The following NTN1 variants were observed in gnomAD, a reference collection of about 807,000 sequenced individuals.
The protein encoded by NTN1 is netrin-1.
In NTN1, 11 loss-of-function variants were observed where a neutral mutation model predicts 54.2. The ratio of observed to expected loss-of-function variants is 0.20; its 90% CI spans 0.13 to 0.34. The LOEUF (loss-of-function observed/expected upper bound fraction) is 0.34, where lower values mean the gene tolerates loss of function less well. NTN1 is among the 10% of genes least tolerant of loss of function. NTN1 has a pLI of 1.00. For missense variants in NTN1, 740 were observed against 893.1 expected, an observed-to-expected ratio of 0.83 and a Z score of 2.18; for synonymous variants, 371 against 382.0, an observed-to-expected ratio of 0.97 and a Z score of 0.33.
chr17:9,059,393 T>A (rs765529544), intron 2 of NTN1, among the ~76,000 whole-genome samples: 1 of 152,160 alleles, frequency 6.6e-6, no homozygotes, highest in Non-Finnish European at 1.5e-5. Flanking sequence ...TTATTCACAA[T>A]AGCCAAAAGG....
At chr17:9,078,056 C>G (rs1489330385) in intron 2 of NTN1, among the ~76,000 whole-genome samples, 1 of 150,368 alleles carries the variant, frequency 6.7e-6, no homozygotes, top group Non-Finnish European at 1.5e-5. Flanking sequence ...GCCCATCCAT[C>G]TATCCATCCA....
chr17:9,004,239 C>T, the NTN1 span, among the ~76,000 whole-genome samples: 2 of 152,262 alleles, frequency 1.3e-5, no homozygotes. Flanking sequence ...GTGCCCGAGG[C>T]GACACGGCAA....
In NTN1 at chr17:9,114,631, T is replaced by C. The variant is rs971507380; in HGVS notation, c.1019-48182T>C. 3.3e-5 allele frequency among the ~76,000 whole-genome samples: 5 copies of C among 152,140 alleles called. No individual in the cohort carries two copies. In the East Asian group the frequency reaches 9.7e-4, roughly 29 times the overall value. On this transcript the variant is annotated intron_variant, in intron 2 of 6. Coordinates refer to ENST00000173229, the MANE Select transcript of NTN1 (RefSeq NM_004822.3). ...AGCTGGGTGTGGTGGCGGGTGCCTG[T>C]AATCCCAGCTACTTGGGAGGCTAAG...
Position 9,042,376 on chromosome 17 carries a change from C to T in NTN1, c.1018+18985C>T, listed in dbSNP as rs187737092. On this transcript the variant is annotated intron_variant, in intron 2 of 6. Coordinates refer to ENST00000173229, the MANE Select transcript of NTN1 (RefSeq NM_004822.3). Reference sequence around the variant, plus strand: ...GGCGCGCCTCTCTAGTCTCAGTTCTCGAGAGGCTGAGGCAGGAAGATTGCA... The same window carrying T: ...GGCGCGCCTCTCTAGTCTCAGTTCTTGAGAGGCTGAGGCAGGAAGATTGCA... Among the ~76,000 whole-genome samples, 550 of 151,606 alleles carry T rather than the reference C, an allele frequency of 3.6e-3. 1 individual carries two copies. The highest frequency in any genetic ancestry group is 0.01 in the Middle Eastern group (3 of 290).
chr17:9,122,422 G>C (rs2092234370), intron 2 of NTN1, among the ~76,000 whole-genome samples: 1 of 152,170 alleles, frequency 6.6e-6, no homozygotes, highest in Admixed American at 6.5e-5. Flanking sequence ...ATGGTGACTT[G>C]AATGAGAGGC....
intron 5 of NTN1, among the ~76,000 whole-genome samples, chr17:9,204,176 GTTCC>G (rs1265366932): frequency 8.5e-6 from 1 of 117,420 alleles, no homozygotes; most frequent in Non-Finnish European, 1.7e-5. Flanking sequence ...CTTAGTAACC[GTTCC>G]TTCCTTCCTT....
At chr17:9,005,642 G>C in the NTN1 span, among the ~76,000 whole-genome samples, 2 of 152,176 alleles carry the variant, frequency 1.3e-5, no homozygotes, top group African/African-American at 4.8e-5. Flanking sequence ...CATGGGCTTT[G>C]CTTGTTCTAT....
chr17:9,042,697 GA>G (rs1038723056), intron 2 of NTN1, among the ~76,000 whole-genome samples: 3 of 151,558 alleles, frequency 2.0e-5, no homozygotes, highest in Non-Finnish European at 4.4e-5. Context: ...TGAGGCAGAA[GA>G]ATCACTTGAA....
chr17:9,196,078 T>C (rs1904627081), intron 5 of NTN1, among the ~76,000 whole-genome samples: 1 of 150,310 alleles, frequency 6.7e-6, no homozygotes, highest in Non-Finnish European at 1.5e-5. Context: ...GAAGGCCTGC[T>C]TTGGAGGCCA....
intron 5 of NTN1, among the ~76,000 whole-genome samples, chr17:9,220,706 CCT>C (rs532660210): frequency 4.3e-4 from 65 of 152,160 alleles, no homozygotes; most frequent in African/African-American, 1.3e-3. Context: ...GCTAATTTCC[CCT>C]GTGACCTCTT....
At chr17:9,137,820 G>C (rs572379139) in intron 2 of NTN1, among the ~76,000 whole-genome samples, 4 of 152,218 alleles carry the variant, frequency 2.6e-5, no homozygotes, top group Admixed American at 2.0e-4. Flanking sequence ...AACTGTTGAC[G>C]GGCATCTTGG....
chr17:9,153,741 G>A (rs1243392237), intron 2 of NTN1, among the ~76,000 whole-genome samples: 2 of 152,234 alleles, frequency 1.3e-5, no homozygotes, highest in African/African-American at 4.8e-5. Flanking sequence ...CGAACGGGCA[G>A]TCAGGTAGAA....
At chr17:9,155,139 G>A (rs1235944307) in intron 2 of NTN1, among the ~76,000 whole-genome samples, 4 of 152,180 alleles carry the variant, frequency 2.6e-5, no homozygotes, top group Non-Finnish European at 5.9e-5. Flanking sequence ...TTGAGTGTTA[G>A]TCTTGACAGC....
Position 9,239,649 on chromosome 17 carries a change from T to C in NTN1, c.1496T>C (p.Ile499Thr). 6.2e-7 allele frequency: 1 copy of C among 1,609,358 alleles called. No homozygotes were observed. Among genetic ancestry groups the C allele is most frequent in the Non-Finnish European group, 8.5e-7 (1 of 1,176,132 alleles). The change falls in exon 7 of 7, where the codon ATC becomes ACC. Residue 499 changes from isoleucine to threonine, a missense_variant. Physicochemically the swap from Ile to Thr is moderately conservative, Grantham distance 89. Coordinates refer to ENST00000173229, the MANE Select transcript of NTN1 (RefSeq NM_004822.3). The surrounding 1 kb of genome is among the most constrained non-coding windows in gnomAD (Gnocchi z 5.2). ...CTGTGCTTCCTTGCAGCCGTCCAGA[T>C]CCACATCCTGAAGGCGGACAAGGCG... The part of the protein sequence containing the change: ...KYCKKDYAVQ[I>T]HILKADKAGD...
rs1310655092 is a variant in NTN1 at position 9,114,160 on chromosome 17, A to ATATATATATATAT, written c.1019-48653_1019-48652insTATATATATATAT. 5.0e-4 allele frequency among the ~76,000 whole-genome samples: 47 copies of ATATATATATATAT among 94,352 alleles called. 1 individual carries two copies. Among genetic ancestry groups the ATATATATATATAT allele is most frequent in the African/African-American group, 1.5e-3 (35 of 22,954 alleles). The allele number at this position is 94,352 out of a possible 152,430, so 61.9% of individuals were successfully genotyped here. A position where few individuals can be genotyped will look rare whatever the true frequency, so the allele number is the denominator to read the frequency against. The stretch of plus-strand genomic sequence containing the variant: ...CTGGGTGCCAAAAAAAAAGAAAAAA[A>ATATATATATATAT]AAAAAAATATATATATATATATATA... On this transcript the variant is annotated intron_variant, in intron 2 of 6. Transcript: ENST00000173229.
intron 2 of NTN1, among the ~76,000 whole-genome samples, chr17:9,152,851 A>G (rs1489727035): frequency 4.6e-5 from 7 of 152,136 alleles, no homozygotes; most frequent in Non-Finnish European, 8.8e-5. Flanking sequence ...CAGGTCACAC[A>G]CCTGGGGGAG....
chr17:9,191,195 T>A (rs1904446545), intron 5 of NTN1, among the ~76,000 whole-genome samples: 1 of 152,196 alleles, frequency 6.6e-6, no homozygotes, highest in African/African-American at 2.4e-5. Context: ...GCGTGGTGGC[T>A]CACGCCTTTA....
intron 2 of NTN1, among the ~76,000 whole-genome samples, chr17:9,045,117 C>T (rs2091937616): frequency 6.6e-6 from 1 of 152,152 alleles, no homozygotes; most frequent in South Asian, 2.1e-4. Context: ...ATGGAATTAA[C>T]TGGGAATAGG....
intron 5 of NTN1, among the ~76,000 whole-genome samples, chr17:9,208,286 T>A (rs892582784): frequency 2.0e-5 from 3 of 152,184 alleles, no homozygotes; most frequent in Non-Finnish European, 4.4e-5. Context: ...CTCAGGGGTA[T>A]CATCAGAATA....
Sources: gnomAD v4.1 joint callset for allele counts (sites outside exome capture counted in the v4.1 genomes callset) on GRCh38, gnomAD v4.1.1 for gene constraint, Gnocchi (gnomAD v3.1) non-coding constraint, MANE v1.5 for transcripts, NCBI Gene and HGNC (gene_info 2026-07-23, HGNC 2026-07-21) for gene names.